Variants in DAB1 observed in about 807,000 individuals in gnomAD.
The protein encoded by DAB1 is DAB adaptor protein 1.
In DAB1, 15 loss-of-function variants were observed where a neutral mutation model predicts 64.6. The ratio of observed to expected loss-of-function variants is 0.23; its 90% confidence interval spans 0.16 to 0.36. The LOEUF (loss-of-function observed/expected upper bound fraction) is 0.36, where lower values mean the gene tolerates loss of function less well. Ranked by LOEUF, DAB1 falls within the 10% of genes least tolerant of loss-of-function variation. The probability of loss-of-function intolerance (pLI) is 1.00; values close to 1 mark genes in which losing one functional copy is unlikely to be tolerated. For missense variants in DAB1, 596 were observed against 706.7 expected (o/e 0.84, Z 1.78); for synonymous variants, 235 against 251.9 (o/e 0.93, Z 0.64).
intron 12 of DAB1, among the ~76,000 whole-genome samples, chr1:57,014,417 T>G (rs1478339677): frequency 6.6e-6 from 1 of 152,244 alleles, no homozygotes; most frequent in African/African-American, 2.4e-5. Context: ...GTTCCCCAAA[T>G]TTTTAAAGTT....
At chr1:57,966,176 A>G (rs11207140) in intron 5 of DAB1, among the ~76,000 whole-genome samples, 129,380 of 152,124 alleles carry the variant, frequency 0.85, 55,790 homozygotes, top group South Asian at 0.94. Context: ...TACTTTTAAT[A>G]TCGGTCTGTC....
intron 1 of DAB1, among the ~76,000 whole-genome samples, chr1:57,327,162 T>C (rs1022801241): frequency 3.9e-5 from 6 of 152,026 alleles, no homozygotes; most frequent in Non-Finnish European, 7.4e-5. Context: ...GCTGGTCTTG[T>C]ACTCCTGGCC....
chr1:58,457,453 G>A (rs1055846685), intron 3 of DAB1, among the ~76,000 whole-genome samples: 9 of 152,240 alleles, frequency 5.9e-5, no homozygotes, highest in African/African-American at 1.2e-4. Context: ...CTTATTAAGC[G>A]GCCTGTGCCA....
Position 58,225,589 on chromosome 1 carries a change from A to T in DAB1, n.310-75001T>A, listed in dbSNP as rs187935268. On this transcript the variant is annotated intron_variant and non_coding_transcript_variant, in intron 4 of 20. Coordinates refer to the DAB1 transcript ENST00000485760. ...AATGTCCAACAATGATAGACTGGAT[A>T]AAGAAAATGTGGCATGTATACATCA... Among the ~76,000 whole-genome samples, 44 of 152,144 alleles carry T rather than the reference A, an allele frequency of 2.9e-4. 1 individual carries two copies. Among genetic ancestry groups the T allele is most frequent in the Admixed American group, 1.5e-3 (23 of 15,264 alleles).
chr1:57,522,270 A>C (rs1644536755), intron 7 of DAB1, among the ~76,000 whole-genome samples: 1 of 152,170 alleles, frequency 6.6e-6, no homozygotes, highest in African/African-American at 2.4e-5. Context: ...CCCCTTCCCC[A>C]TGCAGTCAGG....
chr1:58,454,360 T>G (rs706456), intron 3 of DAB1, among the ~76,000 whole-genome samples: 122,180 of 152,040 alleles, frequency 0.8, 50,470 homozygotes, highest in African/African-American at 0.92. Flanking sequence ...TGAAGCCTCA[T>G]CTTCAGACCC....
At chr1:58,157,416 C>A (rs1332726879) in intron 4 of DAB1, among the ~76,000 whole-genome samples, 2 of 152,162 alleles carry the variant, frequency 1.3e-5, no homozygotes, top group African/African-American at 4.8e-5. Flanking sequence ...AGAGGCCATG[C>A]TGAGGCCAGC....
chr1:57,583,668 T>A (rs1187796812), intron 7 of DAB1, among the ~76,000 whole-genome samples: 1 of 152,198 alleles, frequency 6.6e-6, no homozygotes, highest in African/African-American at 2.4e-5. Context: ...TTAGCAGTGA[T>A]GTTTGGGTTT....
chr1:57,438,104 A>G (rs11207035), intron 7 of DAB1, among the ~76,000 whole-genome samples: 5,688 of 152,236 alleles, frequency 0.037, 340 homozygotes, highest in African/African-American at 0.13. Context: ...AGTGACAGGA[A>G]ATGAATTTCT....
intron 1 of DAB1, among the ~76,000 whole-genome samples, chr1:57,324,709 C>T (rs1258451938): frequency 6.6e-6 from 1 of 152,148 alleles, no homozygotes; most frequent in Non-Finnish European, 1.5e-5. Context: ...CCCCACCCCA[C>T]ATCCGCTTTC....
chr1:57,403,677 G>GA (rs960233943), intron 1 of DAB1, among the ~76,000 whole-genome samples: 1 of 151,950 alleles, frequency 6.6e-6, no homozygotes, highest in African/African-American at 2.4e-5. Context: ...TAAAAGACCA[G>GA]AAAAAAACAA....
intron 4 of DAB1, among the ~76,000 whole-genome samples, chr1:58,274,974 C>G (rs905071066): frequency 6.6e-6 from 1 of 152,054 alleles, no homozygotes; most frequent in Admixed American, 6.5e-5. Flanking sequence ...TTCTGCATCG[C>G]TCACGCTGGG....
rs967466528 is a variant in DAB1 at position 58,536,385 on chromosome 1, GA to G, written n.33-9051del. ...AGTGTGAAAGGTCTGAGGCCTTCGG[GA>G]AAAAAAAATGCTAATTTCATATCAA... is the stretch of plus-strand genomic sequence containing the variant. On this transcript the variant is annotated intron_variant and non_coding_transcript_variant, in intron 1 of 20. Coordinates refer to the DAB1 transcript ENST00000485760. 2.6e-4 allele frequency: 158 copies of G among 600,338 alleles called. 1 individual carries two copies. The highest frequency in any genetic ancestry group is 5.0e-4 in the South Asian group (24 of 48,046). 37.2% of individuals were successfully genotyped at this position (600,338 alleles called of 1,614,324 possible).
At chr1:57,527,220 T>C (rs1476106471) in intron 7 of DAB1, among the ~76,000 whole-genome samples, 1 of 152,168 alleles carries the variant, frequency 6.6e-6, no homozygotes, top group African/African-American at 2.4e-5. Flanking sequence ...CTCAGACCGA[T>C]TCCTTATCCA....
chr1:57,915,567 T>A (rs999330167), intron 5 of DAB1, among the ~76,000 whole-genome samples: 4 of 151,690 alleles, frequency 2.6e-5, no homozygotes. Flanking sequence ...TGCTTTCAAT[T>A]CCCCCCCAGC....
intron 3 of DAB1, among the ~76,000 whole-genome samples, chr1:58,439,333 G>A (rs755151639): frequency 6.6e-6 from 1 of 151,946 alleles, no homozygotes; most frequent in Non-Finnish European, 1.5e-5. Flanking sequence ...CTGCTTCTCT[G>A]TACTCCTCAG....
rs557032978 is a variant in DAB1 at position 58,218,842 on chromosome 1, A to G, written n.310-68254T>C. Among the ~76,000 whole-genome samples the G allele has an allele frequency of 5.9e-5, 9 of 152,236 alleles. No homozygotes were observed. In the East Asian group the frequency reaches 9.7e-4, roughly 16 times the overall value. On this transcript the variant is annotated intron_variant and non_coding_transcript_variant, in intron 4 of 20. Coordinates refer to the DAB1 transcript ENST00000485760. The stretch of plus-strand genomic sequence containing the variant: ...CCCCAACTTCCTGAGACACACATCC[A>G]CACTTCCCAAAAGCAGATTCTATCA...
intron 5 of DAB1, chr1:58,074,566 A>ATATATATATATATATATATATATG (rs1557639002): frequency 5.5e-4 from 6 of 11,000 alleles, no homozygotes; most frequent in African/African-American, 1.6e-3. Flanking sequence ...ATATGTGTGT[A>ATATATATATATATATATATATATG]TATATATATA....
intron 3 of DAB1, among the ~76,000 whole-genome samples, chr1:58,442,336 C>T (rs1248729381): frequency 1.3e-5 from 2 of 152,170 alleles, no homozygotes; most frequent in Non-Finnish European, 2.9e-5. Context: ...CGCTCCAAAA[C>T]CTCCAGAATG....
Sources: allele counts gnomAD v4.1 joint callset (sites outside exome capture counted in the v4.1 genomes callset), GRCh38; gene constraint gnomAD v4.1.1; transcripts MANE v1.5; gene names NCBI Gene and HGNC (gene_info 2026-07-23, HGNC 2026-07-21).